TTC39B: variants seen among roughly 807,000 people sequenced by gnomAD.
The protein encoded by TTC39B is tetratricopeptide repeat domain 39B.
A neutral mutation model predicts 96.6 loss-of-function variants in TTC39B; 92 were observed. The observed-to-expected ratio is 0.95, with a 90% CI of 0.80 to 1.13. The LOEUF is 1.13. TTC39B is among the 50% of genes most tolerant of loss of function. The pLI, the probability that TTC39B is intolerant of heterozygous loss-of-function variation, is 0.00. For missense variants in TTC39B, 955 were observed against 809.3 expected (o/e 1.18, Z -2.18); for synonymous variants, 367 against 299.4 (o/e 1.23, Z -2.33).
rs1174714919 is a variant in TTC39B at position 15,166,982 on chromosome 9, TTATATATATA to T, written c.*5027_*5036del. ...TAACATGTGTCCACAAACCTTTATT[TTATATATATA>T]TATATATATATATATATATATATAT... On this transcript the variant is annotated 3_prime_UTR_variant, in exon 20 of 20. Coordinates refer to ENST00000512701, the Ensembl canonical transcript of TTC39B. The T allele has an allele frequency of 4.1e-3, 83 of 20,266 alleles. 1 individual carries two copies. Among genetic ancestry groups the T allele is most frequent in the African/African-American group, 7.3e-3 (40 of 5,444 alleles). The allele number at this position is 20,266 out of a possible 1,614,324, so 1.3% of individuals were successfully genotyped here. A position where few individuals can be genotyped will look rare whatever the true frequency, so the allele number is the denominator to read the frequency against.
At chr9:15,245,996 G>A (rs998440577) in intron 2 of TTC39B, among the ~76,000 whole-genome samples, 1 of 152,206 alleles carries the variant, frequency 6.6e-6, no homozygotes, top group African/African-American at 2.4e-5. Context: ...GCTCACACCT[G>A]TAATCCTAGC....
At chr9:15,290,461 A>G (rs1340184781) in intron 1 of TTC39B, among the ~76,000 whole-genome samples, 1 of 152,200 alleles carries the variant, frequency 6.6e-6, no homozygotes, top group African/African-American at 2.4e-5. Flanking sequence ...CAGAATCTTT[A>G]CCATAAAACA....
chr9:15,164,442 A>G (rs533879845), exon 20 of TTC39B: 7 of 152,360 alleles, frequency 4.6e-5, no homozygotes, highest in African/African-American at 1.7e-4. Flanking sequence ...CTACATGTCA[A>G]GTTAACAGAG....
At chr9:15,282,209 A>C (rs1563786552) in intron 1 of TTC39B, among the ~76,000 whole-genome samples, 1 of 152,226 alleles carries the variant, frequency 6.6e-6, no homozygotes, top group Non-Finnish European at 1.5e-5. Context: ...CAGAAGTGAT[A>C]ATTAGTATAA....
chr9:15,288,023 ATAATTAGCTATACAAT>A (rs1824042549), intron 1 of TTC39B, among the ~76,000 whole-genome samples: 2 of 152,170 alleles, frequency 1.3e-5, no homozygotes, highest in South Asian at 2.1e-4. Flanking sequence ...AATTTCAAAT[ATAATTAGCTATACAAT>A]TAAGCTTATG....
intron 19 of TTC39B, among the ~76,000 whole-genome samples, chr9:15,172,626 T>A (rs541676341): frequency 5.3e-5 from 8 of 152,244 alleles, no homozygotes; most frequent in African/African-American, 1.7e-4. Flanking sequence ...AATAATTACA[T>A]AAGAATTAGG....
In TTC39B at chr9:15,306,338, G is replaced by A. The variant is rs530094547; in HGVS notation, c.240+746C>T. 7.9e-5 allele frequency among the ~76,000 whole-genome samples: 12 copies of A among 152,346 alleles called. No homozygotes were observed. The South Asian group carries it at 2.5e-3, about 32-fold the overall frequency. On this transcript the variant is annotated intron_variant, in intron 1 of 19. Coordinates refer to ENST00000512701, the Ensembl canonical transcript of TTC39B. This position sits in a 1 kb window ranked among gnomAD's most constrained non-coding sequence, Gnocchi z 5.1. ...CTAGCCCCTGGGTGCTCAGGCCCGG[G>A]CGCGCCACGACTGAAGGAGTGGCTA...
intron 2 of TTC39B, among the ~76,000 whole-genome samples, chr9:15,258,326 A>C (rs1051754491): frequency 2.6e-5 from 4 of 152,172 alleles, no homozygotes; most frequent in African/African-American, 9.7e-5. Context: ...AAGGAATCAA[A>C]GATGTCTCCC....
intron 3 of TTC39B, among the ~76,000 whole-genome samples, chr9:15,221,772 A>C (rs957737436): frequency 2.6e-5 from 4 of 152,228 alleles, no homozygotes; most frequent in African/African-American, 9.6e-5. Context: ...TACATAACCA[A>C]AACATGATAT....
chr9:15,299,156 T>C (rs1401833927), intron 1 of TTC39B, among the ~76,000 whole-genome samples: 1 of 152,188 alleles, frequency 6.6e-6, no homozygotes, highest in Non-Finnish European at 1.5e-5. Context: ...GTCCAGCACC[T>C]AACACAATAC....
chr9:15,240,975 G>C (rs1822012063), intron 2 of TTC39B, among the ~76,000 whole-genome samples: 1 of 152,026 alleles, frequency 6.6e-6, no homozygotes, highest in African/African-American at 2.4e-5. Flanking sequence ...ATCTACCTTT[G>C]CTAAAAACGA....
chr9:15,221,457 C>T (rs1820836530), intron 3 of TTC39B, among the ~76,000 whole-genome samples: 1 of 152,180 alleles, frequency 6.6e-6, no homozygotes, highest in Non-Finnish European at 1.5e-5. Flanking sequence ...GTTCTTTCGA[C>T]AAGCCCTGTC....
intron 1 of TTC39B, among the ~76,000 whole-genome samples, chr9:15,269,455 A>AG (rs925236178): frequency 2.6e-5 from 4 of 152,224 alleles, no homozygotes; most frequent in Non-Finnish European, 5.9e-5. Flanking sequence ...AAATGAGGAA[A>AG]GGGGGCTAGG....
At chr9:15,167,998 C>A (rs984887596) in exon 20 of TTC39B, 1 of 152,124 alleles carries the variant, frequency 6.6e-6, no homozygotes, top group African/African-American at 2.4e-5. Context: ...AGTTTAAGGG[C>A]ACTTTAAATA....
intron 2 of TTC39B, among the ~76,000 whole-genome samples, chr9:15,246,216 G>GT: frequency 6.6e-6 from 1 of 152,182 alleles, no homozygotes; most frequent in African/African-American, 2.4e-5. Context: ...TCACGCCATT[G>GT]CACTCCAGCC....
chr9:15,262,270 T>C, intron 2 of TTC39B, among the ~76,000 whole-genome samples: 1 of 152,120 alleles, frequency 6.6e-6, no homozygotes, highest in African/African-American at 2.4e-5. Context: ...AGCTAATTTT[T>C]GTATTTTTAG....
At chr9:15,192,788 A>G (rs1014063986) in intron 8 of TTC39B, 93 bp from the exon 9 acceptor site, 1 of 821,946 alleles carries the variant, frequency 1.2e-6, no homozygotes, top group African/African-American at 1.7e-5. Flanking sequence ...TATAAAATAA[A>G]TGTCATTAAT....
At chr9:15,279,896 T>TC (rs1399450964) in intron 1 of TTC39B, among the ~76,000 whole-genome samples, 3 of 141,166 alleles carry the variant, frequency 2.1e-5, no homozygotes, top group Middle Eastern at 3.2e-3. Context: ...TCTTTTCTTT[T>TC]TTTTTTTTTT....
chr9:15,296,127 A>AG (rs1268866099), intron 1 of TTC39B, among the ~76,000 whole-genome samples: 1 of 152,174 alleles, frequency 6.6e-6, no homozygotes, highest in Non-Finnish European at 1.5e-5. Flanking sequence ...GAAAACAGGG[A>AG]GGGAAAAAAG....
Sources: allele counts gnomAD v4.1 joint callset (sites outside exome capture counted in the v4.1 genomes callset), GRCh38; gene constraint gnomAD v4.1.1; non-coding constraint Gnocchi (gnomAD v3.1); transcripts MANE v1.5; gene names NCBI Gene and HGNC (gene_info 2026-07-23, HGNC 2026-07-21).